PCDH15: variants seen among roughly 807,000 people sequenced by gnomAD.
PCDH15 encodes protocadherin related 15.
A neutral mutation model predicts 178.5 loss-of-function variants in PCDH15; 129 were observed. The ratio of observed to expected loss-of-function variants is 0.72; its 90% CI spans 0.63 to 0.84. The LOEUF (loss-of-function observed/expected upper bound fraction) is 0.84. Ranked by LOEUF, PCDH15 falls within the 40% of genes least tolerant of loss-of-function variation. The probability of loss-of-function intolerance (pLI) is 0.00; values close to 1 mark genes in which losing one functional copy is unlikely to be tolerated. For missense variants in PCDH15, 2,230 were observed against 2,099.9 expected, an observed-to-expected ratio of 1.06 and a Z score of -1.21; for synonymous variants, 800 against 732.0, an observed-to-expected ratio of 1.09 and a Z score of -1.50.
rs56254743 is a variant in PCDH15 at position 55,529,741 on chromosome 10, G to GTATATATATATATA, written c.-156+97870_-156+97883dup. Among the ~76,000 whole-genome samples, 576 of 62,658 alleles carry GTATATATATATATA rather than the reference G, an allele frequency of 9.2e-3. 19 individuals carry two copies. The highest frequency in any genetic ancestry group is 0.031 in the Middle Eastern group (2 of 64). The allele number at this position is 62,658 out of a possible 152,430, so 41.1% of individuals were successfully genotyped here. A position where few individuals can be genotyped will look rare whatever the true frequency, so the allele number is the denominator to read the frequency against. On this transcript the variant is annotated intron_variant, in intron 2 of 5. Transcript: ENST00000613346. ...TATATATATATGTGTTTGTCTGTGA[G>GTATATATATATATA]TATATATATATATATATATATATAT...
At chr10:55,324,081 A>G (rs1670252794), upstream of PCDH15, among the ~76,000 whole-genome samples, 1 of 152,110 alleles carries the variant, frequency 6.6e-6, no homozygotes, top group Admixed American at 6.5e-5. Flanking sequence ...GTTGTAAGAC[A>G]TGCCTTTGCT....
intron 15 of PCDH15, among the ~76,000 whole-genome samples, chr10:54,094,549 C>G (rs1342625928): frequency 6.6e-6 from 1 of 152,094 alleles, no homozygotes; most frequent in East Asian, 1.9e-4. Flanking sequence ...AGAACAACAA[C>G]GAGGTTGTCA....
chr10:55,391,199 A>C (rs773909002), intron 2 of PCDH15, among the ~76,000 whole-genome samples: 2 of 151,832 alleles, frequency 1.3e-5, no homozygotes, highest in South Asian at 4.1e-4. Flanking sequence ...TAGCTTCTAC[A>C]TCAGGACTTG....
At chr10:54,158,232 C>T (rs1261001540) in intron 13 of PCDH15, among the ~76,000 whole-genome samples, 1 of 152,140 alleles carries the variant, frequency 6.6e-6, no homozygotes, top group Non-Finnish European at 1.5e-5. Flanking sequence ...CGAGACTGGG[C>T]AATTTACAAA....
At chr10:55,460,972 T>G (rs1441627674) in intron 2 of PCDH15, among the ~76,000 whole-genome samples, 1 of 152,256 alleles carries the variant, frequency 6.6e-6, no homozygotes, top group East Asian at 1.9e-4. Flanking sequence ...AAGAGTGTTC[T>G]GTGTATTCTA....
chr10:54,541,645 A>G (rs1181242077), intron 2 of PCDH15, among the ~76,000 whole-genome samples: 1 of 151,716 alleles, frequency 6.6e-6, no homozygotes, highest in African/African-American at 2.4e-5. Context: ...TTTGTAATTG[A>G]AATATAAAGG....
intron 2 of PCDH15, among the ~76,000 whole-genome samples, chr10:55,514,529 A>G (rs1423326607): frequency 6.6e-6 from 1 of 152,180 alleles, no homozygotes; most frequent in Non-Finnish European, 1.5e-5. Context: ...CATTTTAATG[A>G]TTGGGTTCGG....
At chr10:55,487,790 G>C (rs1449262727) in intron 2 of PCDH15, among the ~76,000 whole-genome samples, 1 of 151,536 alleles carries the variant, frequency 6.6e-6, no homozygotes, top group Admixed American at 6.6e-5. Context: ...GAGCCTACAT[G>C]TCTTTTAGAG....
In PCDH15 at chr10:55,391,219, C is replaced by T. The variant is rs138361416; in HGVS notation, c.-155-224568G>A. Among the ~76,000 whole-genome samples, 664 of 151,828 alleles carry T rather than the reference C, an allele frequency of 4.4e-3. 5 individuals are homozygous for T. Among genetic ancestry groups the T allele is most frequent in the African/African-American group, 0.015 (637 of 41,414 alleles). Reference sequence around the variant, plus strand: ...TCTACATCAGGACTTGTGACTTCACCTTGAATTTTTATGTTACAGAGACAG... The same window carrying T: ...TCTACATCAGGACTTGTGACTTCACTTTGAATTTTTATGTTACAGAGACAG... On this transcript the variant is annotated intron_variant, in intron 2 of 5. Coordinates refer to the PCDH15 transcript ENST00000613346.
chr10:54,416,256 C>A (rs7916907), intron 3 of PCDH15, among the ~76,000 whole-genome samples: 1 of 151,848 alleles, frequency 6.6e-6, no homozygotes, highest in East Asian at 1.9e-4. Context: ...ATTGACCCGT[C>A]CTTTAAGTTG....
intron 2 of PCDH15, among the ~76,000 whole-genome samples, chr10:55,622,180 T>TATCTATAAATATATATATTATATATA (rs1564488646): frequency 7.5e-6 from 1 of 133,704 alleles, no homozygotes; most frequent in Admixed American, 8.4e-5. Context: ...ATATTATATA[T>TATCTATAAATATATATATTATATATA]ATATACATTT....
At chr10:54,574,408 A>G (rs2090221913) in intron 2 of PCDH15, among the ~76,000 whole-genome samples, 1 of 151,890 alleles carries the variant, frequency 6.6e-6, no homozygotes, top group Non-Finnish European at 1.5e-5. Flanking sequence ...TACCGGTACC[A>G]TGCTGTTTTG....
intron 20 of PCDH15, among the ~76,000 whole-genome samples, chr10:53,999,739 G>A (rs1466649394): frequency 2.0e-5 from 3 of 152,160 alleles, no homozygotes; most frequent in Non-Finnish European, 2.9e-5. Context: ...ACTTCCAGAC[G>A]GTAACTTTGA....
At chr10:54,755,005 A>T (rs2133053446) in intron 1 of PCDH15, among the ~76,000 whole-genome samples, 1 of 133,756 alleles carries the variant, frequency 7.5e-6, no homozygotes, top group Non-Finnish European at 1.5e-5. Flanking sequence ...CTGAAGTGCA[A>T]TGGCACGATC....
At chr10:55,241,459 G>A (rs1000134183) in intron 1 of PCDH15, among the ~76,000 whole-genome samples, 3 of 151,716 alleles carry the variant, frequency 2.0e-5, no homozygotes, top group Non-Finnish European at 2.9e-5. Flanking sequence ...TCACTCTGTC[G>A]CCCATGCTGG....
At chr10:54,236,390 T>A (rs1017268192) in intron 9 of PCDH15, among the ~76,000 whole-genome samples, 11 of 152,176 alleles carry the variant, frequency 7.2e-5, no homozygotes, top group Admixed American at 1.3e-4. Context: ...CTTTTTTTTT[T>A]AAATGGCTCC....
At chr10:54,931,967 A>T (rs1837789273) in intron 2 of PCDH15, among the ~76,000 whole-genome samples, 1 of 152,164 alleles carries the variant, frequency 6.6e-6, no homozygotes, top group African/African-American at 2.4e-5. Flanking sequence ...TTCACACTCC[A>T]CTTAGACTGT....
At chr10:55,357,687 T>C (rs1238570447) in intron 2 of PCDH15, among the ~76,000 whole-genome samples, 3 of 152,006 alleles carry the variant, frequency 2.0e-5, no homozygotes, top group Admixed American at 6.6e-5. Flanking sequence ...TATTCATCTA[T>C]AATAAGACTT....
intron 1 of PCDH15, among the ~76,000 whole-genome samples, chr10:55,252,141 C>T (rs1004698905): frequency 1.3e-5 from 2 of 152,118 alleles, no homozygotes; most frequent in South Asian, 2.1e-4. Flanking sequence ...GATATTTGTT[C>T]CACCAAAAAG....
Sources: gnomAD v4.1 joint callset for allele counts (sites outside exome capture counted in the v4.1 genomes callset) on GRCh38, gnomAD v4.1.1 for gene constraint, MANE v1.5 for transcripts, NCBI Gene and HGNC (gene_info 2026-07-23, HGNC 2026-07-21) for gene names.